SLC36A1: variants seen among roughly 807,000 people sequenced by gnomAD.
SLC36A1 encodes solute carrier family 36 member 1, also known as proton-coupled amino acid transporter 1.
A neutral mutation model predicts 47.5 loss-of-function variants in SLC36A1; 30 were observed. That is an observed-to-expected ratio of 0.63 (90% CI 0.47 to 0.86). The LOEUF (loss-of-function observed/expected upper bound fraction) is 0.86, where lower values mean the gene tolerates loss of function less well. Among genes scored for constraint, SLC36A1 ranks in the 40% least tolerant of loss-of-function variants. The pLI, the probability that SLC36A1 is intolerant of heterozygous loss-of-function variation, is 0.00. For missense variants in SLC36A1, 517 were observed against 606.0 expected, an observed-to-expected ratio of 0.85 and a Z score of 1.54; for synonymous variants, 255 against 249.7, an observed-to-expected ratio of 1.02 and a Z score of -0.20.
At chr5:151,371,110 T>C in the SLC36A1 span, among the ~76,000 whole-genome samples, 2 of 152,100 alleles carry the variant, frequency 1.3e-5, no homozygotes, top group Non-Finnish European at 2.9e-5. Context: ...CTCCCTTATG[T>C]AACAATCAAA....
At chr5:151,356,029 G>A in the SLC36A1 span, among the ~76,000 whole-genome samples, 1 of 152,048 alleles carries the variant, frequency 6.6e-6, no homozygotes, top group Non-Finnish European at 1.5e-5. Context: ...ATATTAATGT[G>A]CTATTTTGTA....
At chr5:151,419,626 A>G in the SLC36A1 span, among the ~76,000 whole-genome samples, 1 of 152,028 alleles carries the variant, frequency 6.6e-6, no homozygotes, top group Non-Finnish European at 1.5e-5. Context: ...TAAAATACAG[A>G]TTTCTGGGTC....
In SLC36A1 at chr5:151,476,750, A is replaced by G. The variant is rs1200528477; in HGVS notation, c.983A>G (p.Asn328Ser). The G allele has an allele frequency of 1.2e-6, 2 of 1,610,934 alleles. No individual in the cohort carries two copies. Among genetic ancestry groups the G allele is most frequent in the Non-Finnish European group, 1.7e-6 (2 of 1,178,224 alleles). The change falls in exon 9 of 11, where the codon AAC (asparagine) becomes AGC (serine). Residue 328 changes from asparagine (N) to serine (S), a missense_variant. Physicochemically the swap from Asn to Ser is conservative, Grantham distance 46 (BLOSUM62 1). Transcript: ENST00000243389. ...IQGSITLNLP[N>S]CWLYQSVKLL... ...GGCAGCATAACCCTCAACCTGCCCA[A>G]CTGCTGGTACGTGGAGGGAGGATGG...
At chr5:151,525,911 A>G in the SLC36A1 span, 2 of 1,614,108 alleles carry the variant, frequency 1.2e-6, no homozygotes, top group Non-Finnish European at 1.7e-6. Flanking sequence ...TTCTCTGGAG[A>G]ATCTGGGTCA....
the SLC36A1 span, among the ~76,000 whole-genome samples, chr5:151,499,625 T>C: frequency 6.6e-6 from 1 of 152,182 alleles, no homozygotes; most frequent in African/African-American, 2.4e-5. Flanking sequence ...AGCCCAGTCC[T>C]CATGCCTGCC....
the SLC36A1 span, chr5:151,543,867 A>G: frequency 6.2e-7 from 1 of 1,614,210 alleles, no homozygotes; most frequent in Non-Finnish European, 8.5e-7. Context: ...CCTGATTGCC[A>G]GAAAGAATCA....
intron 5 of SLC36A1, among the ~76,000 whole-genome samples, chr5:151,465,834 G>A (rs1241530052): frequency 6.6e-6 from 1 of 151,928 alleles, no homozygotes; most frequent in African/African-American, 2.4e-5. Context: ...GAGGTGGGAA[G>A]TATTTGCAAA....
chr5:151,347,465 G>T, the SLC36A1 span: 4 of 1,613,738 alleles, frequency 2.5e-6, no homozygotes, highest in Middle Eastern at 1.8e-4. Flanking sequence ...AGACATGACT[G>T]CTTAAGAAAC....
At chr5:151,546,316 T>G in the SLC36A1 span, 149 of 1,612,994 alleles carry the variant, frequency 9.2e-5, no homozygotes, top group Non-Finnish European at 1.1e-4. Flanking sequence ...GGCATTGATG[T>G]TGAAGAAACC....
chr5:151,468,266 AATATATATATAT>A (rs1554113501), intron 7 of SLC36A1, among the ~76,000 whole-genome samples: 1 of 63,830 alleles, frequency 1.6e-5, no homozygotes, highest in Non-Finnish European at 2.6e-5. Context: ...AAAAAAAAAA[AATATATATATAT>A]ATATATATAT....
At chr5:151,544,977 C>G in the SLC36A1 span, 6 of 1,614,106 alleles carry the variant, frequency 3.7e-6, no homozygotes, top group Non-Finnish European at 5.1e-6. Context: ...CCTGAGCCAC[C>G]CGCTGAGGTG....
the SLC36A1 span, among the ~76,000 whole-genome samples, chr5:151,376,507 A>G: frequency 8.5e-5 from 13 of 152,088 alleles, no homozygotes; most frequent in Non-Finnish European, 2.9e-5. Context: ...AGGTGTGATA[A>G]TAAGTTGTTA....
the SLC36A1 span, among the ~76,000 whole-genome samples, chr5:151,394,314 T>C: frequency 2.0e-5 from 3 of 152,226 alleles, no homozygotes; most frequent in Non-Finnish European, 2.9e-5. Context: ...CTAATCTTTT[T>C]CCAAGGTTTT....
the SLC36A1 span, among the ~76,000 whole-genome samples, chr5:151,381,552 G>A: frequency 6.6e-6 from 1 of 152,148 alleles, no homozygotes; most frequent in Non-Finnish European, 1.5e-5. Flanking sequence ...AGAAATTATG[G>A]TTTAAGAGTC....
At chr5:151,362,389 C>CTTTTTTTTTTTTTTT in the SLC36A1 span, among the ~76,000 whole-genome samples, 1 of 109,016 alleles carries the variant, frequency 9.2e-6, no homozygotes, top group Non-Finnish European at 1.8e-5. Context: ...ATTGATTCTT[C>CTTTTTTTTTTTTTTT]TTTTTTTTTT....
the SLC36A1 span, among the ~76,000 whole-genome samples, chr5:151,500,560 G>T: frequency 6.6e-6 from 1 of 152,284 alleles, no homozygotes; most frequent in East Asian, 1.9e-4. Context: ...TAGAGACGGG[G>T]TTTCACCATG....
At chr5:151,377,343 CTTTCTTTT>C in the SLC36A1 span, among the ~76,000 whole-genome samples, 1 of 127,728 alleles carries the variant, frequency 7.8e-6, no homozygotes, top group Non-Finnish European at 1.6e-5. Context: ...ATTGCTGTCT[CTTTCTTTT>C]TTTTTTTTTT....
chr5:151,545,145 G>T, the SLC36A1 span: 5 of 1,614,040 alleles, frequency 3.1e-6, no homozygotes, highest in East Asian at 2.2e-5. Flanking sequence ...TCAAATGATT[G>T]CCCTGGGCAC....
At chr5:151,368,691 G>A in the SLC36A1 span, among the ~76,000 whole-genome samples, 1 of 151,972 alleles carries the variant, frequency 6.6e-6, no homozygotes, top group South Asian at 2.1e-4. Context: ...TTTTTCTGGT[G>A]ACCCTGGTTG....
Sources: allele counts gnomAD v4.1 joint callset (sites outside exome capture counted in the v4.1 genomes callset), GRCh38; gene constraint gnomAD v4.1.1; transcripts MANE v1.5; gene names NCBI Gene and HGNC (gene_info 2026-07-23, HGNC 2026-07-21).